The following PASK variants were observed in gnomAD, a reference collection of about 807,000 sequenced individuals.
PASK encodes PAS domain-containing serine/threonine-protein kinase.
A neutral mutation model predicts 121.0 loss-of-function variants in PASK; 110 were observed. The observed-to-expected ratio is 0.91, with a 90% CI of 0.78 to 1.06. PASK has a LOEUF of 1.06. Among genes scored for constraint, PASK ranks in the 50% least tolerant of loss-of-function variants. PASK has a pLI of 0.00. For synonymous variants in PASK, 686 were observed against 717.8 expected (o/e 0.96, Z 0.71); for missense variants, 1,643 against 1,702.3 (o/e 0.97, Z 0.61).
intron 3 of PASK, 75 bp from the exon 4 acceptor site, chr2:241,140,130 C>T (rs1310255818): frequency 9.9e-6 from 12 of 1,208,438 alleles, no homozygotes; most frequent in African/African-American, 1.5e-5. Context: ...CAGCCCAGGA[C>T]GACCATGCAG....
At position 241,107,247 on chromosome 2, in the gene PASK, G is replaced by A. The variant is rs548135504; in HGVS notation, c.3814+106C>T. On this transcript the variant is annotated intron_variant, in intron 17 of 17. Transcript: ENST00000234040. ...CTGACATTTGTGTCCAAGACAGCATGGGGGAGAGAGCCTCCTTTTCCTCCT... is the reference window on the plus strand; with the variant it reads ...CTGACATTTGTGTCCAAGACAGCATAGGGGAGAGAGCCTCCTTTTCCTCCT... 3.1e-3 allele frequency: 3,058 copies of A among 975,888 alleles called. 10 individuals carry two copies. Among genetic ancestry groups the A allele is most frequent in the Non-Finnish European group, 3.9e-3 (2,359 of 601,214 alleles). The allele number at this position is 975,888 out of a possible 1,614,324, so 60.5% of individuals were successfully genotyped here. A position where few individuals can be genotyped will look rare whatever the true frequency, so the allele number is the denominator to read the frequency against.
chr2:241,114,725 G>C, intron 14 of PASK: 1 of 1,350,102 alleles, frequency 7.4e-7, no homozygotes, highest in South Asian at 1.9e-5. Flanking sequence ...CTCTCTGGCT[G>C]CATCCTAACC....
chr2:241,125,965 G>A (rs10182539), intron 10 of PASK, among the ~76,000 whole-genome samples: 2,467 of 152,306 alleles, frequency 0.016, 60 homozygotes, highest in African/African-American at 0.057. Context: ...TGGAACTGAC[G>A]GGCATGGGGC....
chr2:241,111,393 C>G (rs2065107389), intron 15 of PASK, among the ~76,000 whole-genome samples: 1 of 152,234 alleles, frequency 6.6e-6, no homozygotes, highest in Admixed American at 6.5e-5. Context: ...ATGAACTCAC[C>G]TAGAGATGCA....
rs780717258 is a variant in PASK, at chr2:241,127,076, A to G, written c.1839T>C (p.Tyr613=). 32 of 1,613,928 alleles carry G rather than the reference A, an allele frequency of 2.0e-5. No homozygotes were observed. The highest frequency in any genetic ancestry group is 1.6e-4 in the Middle Eastern group (1 of 6,084). ...GCCACCACAAGCCCCATTCACTCCC[A>G]TAGCAAGGGCAGTGCATCAGGAGGC... ...GGSLLMHCPC[Y]GSEWGLWWRS... The change falls in exon 10 of 18, where the codon TAT becomes TAC. Residue 613 remains tyrosine, a synonymous_variant. Coordinates refer to ENST00000234040, the MANE Select transcript of PASK (RefSeq NM_015148.4).
intron 11 of PASK, among the ~76,000 whole-genome samples, chr2:241,123,578 G>A (rs2065721433): frequency 6.6e-6 from 1 of 152,078 alleles, no homozygotes; most frequent in Non-Finnish European, 1.5e-5. Context: ...AGCACTTTGG[G>A]AGGCTGAGGC....
chr2:241,119,082 A>G (rs2065491463), intron 12 of PASK: 3 of 347,366 alleles, frequency 8.6e-6, no homozygotes, highest in Admixed American at 1.2e-4. Flanking sequence ...TCGGGAGGGA[A>G]GCCCACAAAC....
chr2:241,118,352 T>C (rs997096125), intron 12 of PASK, among the ~76,000 whole-genome samples: 1 of 152,182 alleles, frequency 6.6e-6, no homozygotes, highest in African/African-American at 2.4e-5. Flanking sequence ...TATAGATCAA[T>C]GGAATAGAAT....
chr2:241,117,932 A>G (rs1300962189), intron 12 of PASK, among the ~76,000 whole-genome samples: 1 of 151,932 alleles, frequency 6.6e-6, no homozygotes, highest in Non-Finnish European at 1.5e-5. Flanking sequence ...AACTGGACAT[A>G]AAAATAATGG....
In PASK at chr2:241,137,088, G is replaced by A. The variant is rs767536739; in HGVS notation, c.1053C>T (p.Leu351=). ...TGCCGTGGATGGTCCCATCCGGCAG[G>A]AGGGTGATGAGGCCACTGATGGTGC... is the stretch of plus-strand genomic sequence containing the variant. ...VFCTISGLIT[L]LPDGTIHGIN... Residue 351 remains leucine (L), a synonymous_variant, in exon 7 of 18, where the codon CTC becomes CTT. Coordinates refer to ENST00000234040, the MANE Select transcript of PASK (RefSeq NM_015148.4). 84 of 1,613,418 alleles carry A rather than the reference G, an allele frequency of 5.2e-5. No homozygotes were observed. The highest frequency in any genetic ancestry group is 8.3e-5 in the Admixed American group (5 of 60,016).
In PASK at chr2:241,108,438, C is replaced by A; in HGVS notation, c.3534-138G>T. The A allele has an allele frequency of 2.4e-6, 2 of 828,468 alleles. No individual in the cohort carries two copies. The highest frequency in any genetic ancestry group is 2.0e-6 in the Non-Finnish European group (1 of 500,384). 51.3% of individuals were successfully genotyped at this position (828,468 alleles called of 1,614,324 possible). Reference sequence around the variant, plus strand: ...TTCCCAAGAGGAGGGTCACTCCACCCCTCAAACACGCCCTCCATTTCCACG... The same window carrying A: ...TTCCCAAGAGGAGGGTCACTCCACCACTCAAACACGCCCTCCATTTCCACG... On this transcript the variant is annotated intron_variant, in intron 15 of 17. Coordinates refer to ENST00000234040, the MANE Select transcript of PASK (RefSeq NM_015148.4). The surrounding 1 kb of genome is among the most constrained non-coding windows in gnomAD (Gnocchi z 5.2).
chr2:241,125,744 C>A (rs2065828235), intron 10 of PASK, among the ~76,000 whole-genome samples: 1 of 152,152 alleles, frequency 6.6e-6, no homozygotes, highest in Admixed American at 6.5e-5. Context: ...AGCCTAAACA[C>A]CAAAAGCACG....
intron 12 of PASK, chr2:241,118,905 G>A (rs757023100): frequency 1.8e-5 from 19 of 1,031,736 alleles, no homozygotes; most frequent in African/African-American, 3.4e-5. Context: ...GCTGGCTGCC[G>A]AGATCTTCTC....
chr2:241,139,950 C>T lies in PASK; in HGVS notation c.535G>A (p.Val179Met), dbSNP rs192087715. Residue 179 changes from valine (V) to methionine (M), a missense_variant, in exon 4 of 18, where the codon GTG (valine) becomes ATG (methionine). Transcript: ENST00000234040. ...ATGTGCTCCTCGCTGAGGGCCTCCA[C>T]CACATCAGAATCTGACCTCAGAAAG... The part of the protein sequence containing the change: ...QFFLRSDSDV[V>M]EALSEEHMEA... 1.5e-5 allele frequency: 24 copies of T among 1,614,172 alleles called. No individual in the cohort carries two copies. The highest frequency in any genetic ancestry group is 2.7e-5 in the African/African-American group (2 of 75,064).
At chr2:241,135,252 G>A (rs2066352316) in intron 8 of PASK, among the ~76,000 whole-genome samples, 1 of 152,290 alleles carries the variant, frequency 6.6e-6, no homozygotes, top group East Asian at 1.9e-4. Flanking sequence ...AGGAAATACT[G>A]GTAGAACATT....
At chr2:241,109,936 C>A (rs371653977) in intron 15 of PASK, among the ~76,000 whole-genome samples, 1 of 152,202 alleles carries the variant, frequency 6.6e-6, no homozygotes, top group African/African-American at 2.4e-5. Context: ...GACACATAAG[C>A]AAATGAGCAC....
At position 241,138,076 on chromosome 2, in the gene PASK, C is replaced by T. The variant is rs374396215; in HGVS notation, c.753G>A (p.Thr251=). ...WVAFQSDGTV[T]SCDSLFAHLH... ...GATGAGCAAAGAGACTGTCACATGACGTGACGGTGCCCTGGAGGAAAAGCC... is the reference window on the plus strand; with the variant it reads ...GATGAGCAAAGAGACTGTCACATGATGTGACGGTGCCCTGGAGGAAAAGCC... The change falls in exon 6 of 18, where the codon ACG becomes ACA. Residue 251 remains threonine (T), a synonymous_variant. Transcript: ENST00000234040. 37 of 1,614,068 alleles carry T rather than the reference C, an allele frequency of 2.3e-5. No individual in the cohort carries two copies. Among genetic ancestry groups the T allele is most frequent in the African/African-American group, 8.0e-5 (6 of 74,948 alleles).
Position 241,131,035 on chromosome 2 carries a change from C to T in PASK, c.1463+1839G>A, listed in dbSNP as rs146959858. On this transcript the variant is annotated intron_variant, in intron 9 of 17. Coordinates refer to ENST00000234040, the MANE Select transcript of PASK (RefSeq NM_015148.4). Reference sequence around the variant, plus strand: ...CCTGGAAGGCTCTAACTGCTGACTGCGGTCCCCTGGGGGAAAGAGTAGGAT... The same window carrying T: ...CCTGGAAGGCTCTAACTGCTGACTGTGGTCCCCTGGGGGAAAGAGTAGGAT... Among the ~76,000 whole-genome samples, 288 of 152,050 alleles carry T rather than the reference C, an allele frequency of 1.9e-3. 1 individual carries two copies. Among genetic ancestry groups the T allele is most frequent in the African/African-American group, 6.7e-3 (278 of 41,354 alleles).
intron 8 of PASK, 37 bp from the exon 9 acceptor site, chr2:241,133,067 C>T (rs878994076): frequency 6.2e-7 from 1 of 1,603,096 alleles, no homozygotes; most frequent in Non-Finnish European, 8.5e-7. Context: ...TTGCTCTTCA[C>T]AGGCACTCCC....
Sources: gnomAD v4.1 joint callset for allele counts (sites outside exome capture counted in the v4.1 genomes callset) on GRCh38, gnomAD v4.1.1 for gene constraint, Gnocchi (gnomAD v3.1) non-coding constraint, MANE v1.5 for transcripts, NCBI Gene and HGNC (gene_info 2026-07-23, HGNC 2026-07-21) for gene names.